The following DIP2C variants were observed in gnomAD, a reference collection of about 807,000 sequenced individuals.
DIP2C encodes the protein DIP2 acetate--CoA ligase C (putative).
Under a neutral mutation model 192.4 loss-of-function variants are expected in DIP2C, and 33 were observed. That is an observed-to-expected ratio of 0.17 (90% CI 0.13 to 0.23). The LOEUF (loss-of-function observed/expected upper bound fraction) is 0.23. DIP2C is among the 10% of genes least tolerant of loss of function. The pLI is 1.00. For synonymous variants in DIP2C, 979 were observed against 864.1 expected (o/e 1.13, Z -2.33); for missense variants, 1,537 against 2,110.1 (o/e 0.73, Z 5.32).
chr10:555,105 G>A (rs567903539), intron 1 of DIP2C, among the ~76,000 whole-genome samples: 1 of 152,114 alleles, frequency 6.6e-6, no homozygotes, highest in Admixed American at 6.5e-5. Context: ...AAAAATAAGT[G>A]TAAAAATGCA....
In DIP2C at chr10:399,214, T is replaced by G. The variant is rs960707337; in HGVS notation, c.1155A>C (p.Ala385=). 2 of 1,614,014 alleles carry G rather than the reference T, an allele frequency of 1.2e-6. No individual in the cohort carries two copies. The highest frequency in any genetic ancestry group is 1.7e-6 in the Non-Finnish European group (2 of 1,179,992). The change falls in exon 10 of 37, where the codon GCA becomes GCC. Residue 385 remains alanine (A), a synonymous_variant. Coordinates refer to ENST00000280886, the MANE Select transcript of DIP2C (RefSeq NM_014974.3). ...CCGGATCATTGTTGGGGAACACCAG[T>G]GCCACCTGTGGGACAGGCCAGAGCG... ...EPMVRPGDRV[A]LVFPNNDPAA...
chr10:333,493 T>G (rs979432907), intron 29 of DIP2C, among the ~76,000 whole-genome samples: 3 of 152,102 alleles, frequency 2.0e-5, no homozygotes, highest in African/African-American at 7.2e-5. Context: ...GAGCTCATCC[T>G]GTGCAGAAGC....
At chr10:367,774 G>A (rs561813060) in intron 18 of DIP2C, among the ~76,000 whole-genome samples, 6 of 152,350 alleles carry the variant, frequency 3.9e-5, no homozygotes, top group African/African-American at 1.4e-4. Context: ...CTCGTTACGC[G>A]CTGACAAAGG....
chr10:521,208 C>G (rs1313067422), intron 1 of DIP2C, among the ~76,000 whole-genome samples: 2 of 152,174 alleles, frequency 1.3e-5, no homozygotes, highest in Admixed American at 6.5e-5. Flanking sequence ...AGCATCAGCT[C>G]TTAAAAACAA....
In DIP2C at chr10:437,680, G is replaced by A. The variant is rs1008935186; in HGVS notation, c.394+3191C>T. On this transcript the variant is annotated intron_variant, in intron 4 of 36. Coordinates refer to ENST00000280886, the MANE Select transcript of DIP2C (RefSeq NM_014974.3). ...ATTTGGGTCCCTGTTATCTCATCAT[G>A]GCTAGAAGCAGAAGTTTTGGCAAAT... 1.8e-4 allele frequency: 28 copies of A among 152,162 alleles called. 1 individual carries two copies. Among genetic ancestry groups the A allele is most frequent in the African/African-American group, 5.6e-4 (23 of 41,430 alleles). The allele number at this position is 152,162 out of a possible 1,614,324, so 9.4% of individuals were successfully genotyped here.
intron 9 of DIP2C, among the ~76,000 whole-genome samples, chr10:404,655 G>C (rs1240980502): frequency 3.3e-5 from 5 of 152,206 alleles, no homozygotes; most frequent in African/African-American, 9.7e-5. Flanking sequence ...ATTGAGAGGG[G>C]AGCAGGCCAT....
At chr10:481,293 C>T (rs972131694) in intron 2 of DIP2C, among the ~76,000 whole-genome samples, 9 of 152,334 alleles carry the variant, frequency 5.9e-5, no homozygotes, top group African/African-American at 1.9e-4. Context: ...TTTCTCATTC[C>T]GTATGTAACC....
intron 31 of DIP2C, among the ~76,000 whole-genome samples, chr10:324,175 A>G (rs1297788798): frequency 2.0e-5 from 3 of 152,272 alleles, no homozygotes; most frequent in Non-Finnish European, 4.4e-5. Context: ...AATTATCTAC[A>G]TGCCTACCGT....
intron 3 of DIP2C, among the ~76,000 whole-genome samples, chr10:447,896 G>A (rs548598229): frequency 8.5e-6 from 1 of 118,154 alleles, no homozygotes; most frequent in South Asian, 2.6e-4. Flanking sequence ...CACACACAGT[G>A]GGGCAGCAGG....
At chr10:549,364 T>A (rs1021908431) in intron 1 of DIP2C, among the ~76,000 whole-genome samples, 7 of 152,082 alleles carry the variant, frequency 4.6e-5, no homozygotes, top group African/African-American at 1.7e-4. Flanking sequence ...GACGTCCTTG[T>A]CACCTAAGCA....
At chr10:473,629 G>A (rs142797789) in intron 2 of DIP2C, among the ~76,000 whole-genome samples, 127 of 152,138 alleles carry the variant, frequency 8.3e-4, no homozygotes, top group African/African-American at 2.9e-3. Context: ...CCACAGCTCC[G>A]TGAACGGCTC....
intron 1 of DIP2C, among the ~76,000 whole-genome samples, chr10:571,321 G>C (rs1440298420): frequency 6.6e-6 from 1 of 151,980 alleles, no homozygotes; most frequent in African/African-American, 2.4e-5. Context: ...AGCTCCCCCC[G>C]GCCATCACAC....
At chr10:535,376 G>A (rs555956272) in intron 1 of DIP2C, among the ~76,000 whole-genome samples, 20 of 152,066 alleles carry the variant, frequency 1.3e-4, no homozygotes, top group South Asian at 4.2e-4. Context: ...CCAAAGCCAC[G>A]CTTCTCGGGG....
At chr10:560,626 T>C (rs1210095902) in intron 1 of DIP2C, among the ~76,000 whole-genome samples, 4 of 152,206 alleles carry the variant, frequency 2.6e-5, no homozygotes, top group Admixed American at 6.5e-5. Context: ...ACATTGACTT[T>C]CAAATTAATC....
At chr10:641,139 C>A (rs1264366456) in intron 1 of DIP2C, among the ~76,000 whole-genome samples, 6 of 146,896 alleles carry the variant, frequency 4.1e-5, no homozygotes, top group African/African-American at 7.5e-5. Flanking sequence ...TTGCTAATTG[C>A]AAAAAAAAAA....
chr10:483,671 G>A (rs535145061), intron 2 of DIP2C, among the ~76,000 whole-genome samples: 2 of 152,326 alleles, frequency 1.3e-5, no homozygotes, highest in Non-Finnish European at 2.9e-5. Flanking sequence ...CTCCTGAGAG[G>A]GTGCGAGGGA....
intron 10 of DIP2C, among the ~76,000 whole-genome samples, chr10:395,075 T>C (rs1012495213): frequency 1.5e-5 from 2 of 132,448 alleles, no homozygotes; most frequent in Non-Finnish European, 3.1e-5. Context: ...TAGCAGTGAA[T>C]AGAATGGTGA....
chr10:609,997 G>A lies in DIP2C; in HGVS notation c.85+79497C>T, dbSNP rs148436800. ...GCTTGAGAACATCAAAGTGGCTCACGTCCCCCAAATATAAAGCCAGTGACT... is the reference window on the plus strand; with the variant it reads ...GCTTGAGAACATCAAAGTGGCTCACATCCCCCAAATATAAAGCCAGTGACT... On this transcript the variant is annotated intron_variant, in intron 1 of 36. Coordinates refer to ENST00000280886, the MANE Select transcript of DIP2C (RefSeq NM_014974.3). Among the ~76,000 whole-genome samples, 327 of 152,050 alleles carry A rather than the reference G, an allele frequency of 2.2e-3. 4 individuals carry two copies. The highest frequency in any genetic ancestry group is 7.0e-3 in the African/African-American group (289 of 41,464).
At chr10:588,917 A>T (rs116772116) in intron 1 of DIP2C, among the ~76,000 whole-genome samples, 1 of 152,164 alleles carries the variant, frequency 6.6e-6, no homozygotes, top group African/African-American at 2.4e-5. Context: ...TCAGTTTTGT[A>T]AGAAACTGCT....
Sources: gnomAD v4.1 joint callset for allele counts (sites outside exome capture counted in the v4.1 genomes callset) on GRCh38, gnomAD v4.1.1 for gene constraint, MANE v1.5 for transcripts, NCBI Gene and HGNC (gene_info 2026-07-23, HGNC 2026-07-21) for gene names.